Variants in MMEL1 observed in about 807,000 individuals in gnomAD.
MMEL1 encodes membrane metalloendopeptidase like 1.
Under a neutral mutation model 117.1 loss-of-function variants are expected in MMEL1, and 98 were observed. That is an observed-to-expected ratio of 0.84 (90% CI 0.71 to 0.99). The LOEUF is 0.99. MMEL1 is among the 50% of genes least tolerant of loss of function. The pLI, the probability that MMEL1 is intolerant of heterozygous loss-of-function variation, is 0.00. For synonymous variants in MMEL1, 390 were observed against 415.1 expected (o/e 0.94, Z 0.74); for missense variants, 1,014 against 1,049.1 (o/e 0.97, Z 0.46).
At chr1:2,625,037 A>G (rs956335319) in intron 2 of MMEL1, among the ~76,000 whole-genome samples, 6 of 152,174 alleles carry the variant, frequency 3.9e-5, no homozygotes, top group Non-Finnish European at 8.8e-5. Context: ...CACTCCCATG[A>G]TCCAATCACA....
chr1:2,631,824 G>A (rs1638601756), intron 1 of MMEL1, among the ~76,000 whole-genome samples: 1 of 152,088 alleles, frequency 6.6e-6, no homozygotes, highest in Non-Finnish European at 1.5e-5. Context: ...CATCTCAGTC[G>A]GACCCTTTCT....
chr1:2,604,395 C>T, intron 9 of MMEL1, 114 bp from the exon 10 acceptor site: 3 of 1,421,682 alleles, frequency 2.1e-6, no homozygotes, highest in Non-Finnish European at 1.9e-6. Flanking sequence ...AATGCGTGTC[C>T]ACCCACCTTG....
chr1:2,621,580 T>TG (rs1280045183), intron 2 of MMEL1, among the ~76,000 whole-genome samples: 1 of 151,870 alleles, frequency 6.6e-6, no homozygotes, highest in East Asian at 1.9e-4. Context: ...ACATTTTTTT[T>TG]TTTTTGTTTT....
intron 2 of MMEL1, among the ~76,000 whole-genome samples, chr1:2,622,661 G>T (rs1217038209): frequency 6.6e-6 from 1 of 152,102 alleles, no homozygotes; most frequent in Non-Finnish European, 1.5e-5. Flanking sequence ...AAGGCTGGTG[G>T]ATCACCTGAG....
chr1:2,628,514 G>A (rs1638377852), intron 2 of MMEL1, among the ~76,000 whole-genome samples: 1 of 152,186 alleles, frequency 6.6e-6, no homozygotes, highest in Non-Finnish European at 1.5e-5. Context: ...CTACGCACCT[G>A]CCCCGGGGGT....
intron 11 of MMEL1, among the ~76,000 whole-genome samples, chr1:2,602,499 C>T (rs1644948695): frequency 1.3e-5 from 2 of 152,206 alleles, no homozygotes; most frequent in African/African-American, 4.8e-5. Context: ...ACCCCAAAGC[C>T]ACCTCCACCA....
intron 12 of MMEL1, 138 bp from the exon 13 acceptor site, chr1:2,598,438 C>T: frequency 8.6e-7 from 1 of 1,159,808 alleles, no homozygotes; most frequent in Non-Finnish European, 1.2e-6. Flanking sequence ...AGGACAACCA[C>T]CTCCAAGATC....
chr1:2,624,051 T>C (rs1201555853), intron 2 of MMEL1, among the ~76,000 whole-genome samples: 1 of 152,100 alleles, frequency 6.6e-6, no homozygotes. Flanking sequence ...GGGGATGTGG[T>C]AGGGATGCCA....
intron 13 of MMEL1, among the ~76,000 whole-genome samples, chr1:2,597,508 C>T (rs1319817094): frequency 1.3e-5 from 2 of 152,154 alleles, no homozygotes; most frequent in Non-Finnish European, 2.9e-5. Flanking sequence ...CAACACCTCC[C>T]CTGCGTCTGT....
At chr1:2,597,286 G>A (rs929434060) in intron 13 of MMEL1, among the ~76,000 whole-genome samples, 10 of 151,888 alleles carry the variant, frequency 6.6e-5, no homozygotes, top group African/African-American at 2.2e-4. Flanking sequence ...AAAGCTCCTA[G>A]ACTCAGTGCC....
rs1645144904 is a variant in MMEL1, at chr1:2,612,385, C to T, written c.155-181G>A. ...AGATCCACAGAGTTCACTGCAGGGG[C>T]CAGCTTCAATCTGTGTCCTGCTGGG... On this transcript the variant is annotated intron_variant, in intron 2 of 23. Transcript: ENST00000378412. This position sits in a 1 kb window ranked among gnomAD's most constrained non-coding sequence, Gnocchi z 5.4. Among the ~76,000 whole-genome samples the T allele has an allele frequency of 6.6e-6, 1 of 152,128 alleles. No individual in the cohort carries two copies. Among genetic ancestry groups the T allele is most frequent in the South Asian group, 2.1e-4 (1 of 4,826 alleles).
chr1:2,615,848 CAGAG>C (rs1645192247), intron 2 of MMEL1, among the ~76,000 whole-genome samples: 1 of 152,040 alleles, frequency 6.6e-6, no homozygotes, highest in Non-Finnish European at 1.5e-5. Context: ...ACTAGAGACT[CAGAG>C]AGCAATATTT....
At chr1:2,594,312 C>A in intron 18 of MMEL1, 73 bp downstream of exon 18, 1 of 1,445,354 alleles carries the variant, frequency 6.9e-7, no homozygotes, top group Non-Finnish European at 9.5e-7. Flanking sequence ...AAGGGATGGG[C>A]AGGGGGCTGC....
Position 2,592,229 on chromosome 1 carries a change from G to GA in MMEL1, c.2068-203dup, listed in dbSNP as rs761542156. Among the ~76,000 whole-genome samples, 143 of 148,730 alleles carry GA rather than the reference G, an allele frequency of 9.6e-4. 3 individuals are homozygous for GA. The highest frequency in any genetic ancestry group is 1.5e-3 in the Non-Finnish European group (104 of 67,224). On this transcript the variant is annotated intron_variant, in intron 21 of 23. Transcript: ENST00000378412. ...CCCCTGAGCTGGGCCCTCGGGGGGG[G>GA]ATCCCTGGCCAGACAGCCCACTGCA...
At chr1:2,629,774 C>T in intron 1 of MMEL1, 1 of 359,948 alleles carries the variant, frequency 2.8e-6, no homozygotes, top group South Asian at 5.8e-5. Flanking sequence ...GCAAGCTGGA[C>T]CCAGGAGGCT....
chr1:2,598,429 G>T, intron 12 of MMEL1, 129 bp from the exon 13 acceptor site: 1 of 1,189,404 alleles, frequency 8.4e-7, no homozygotes, highest in Non-Finnish European at 1.2e-6. Context: ...AAAACCTCCA[G>T]GACAACCACC....
At chr1:2,599,251 C>T (rs1434095740) in intron 11 of MMEL1, among the ~76,000 whole-genome samples, 7 of 152,128 alleles carry the variant, frequency 4.6e-5, no homozygotes, top group African/African-American at 1.4e-4. Context: ...CCAAGAATAA[C>T]CTTGATACCA....
intron 2 of MMEL1, among the ~76,000 whole-genome samples, chr1:2,626,349 G>C (rs1198447135): frequency 3.9e-5 from 6 of 152,228 alleles, no homozygotes; most frequent in South Asian, 2.1e-4. Flanking sequence ...ACGATAAAGA[G>C]AGAAGGGTTC....
chr1:2,609,335 T>G lies in MMEL1; in HGVS notation c.535+4A>C. 1 of 1,609,544 alleles carries G rather than the reference T, an allele frequency of 6.2e-7. No individual in the cohort carries two copies. The highest frequency in any genetic ancestry group is 8.5e-7 in the Non-Finnish European group (1 of 1,178,428). ...TCGGCCCCTTCCTGGCGGCCCCCAC[T>G]CACTCTGGTTCATGCAGGAGCGGTA... is the stretch of plus-strand genomic sequence containing the variant. On this transcript the variant is annotated splice_donor_region_variant and intron_variant, in intron 6 of 23. Transcript: ENST00000378412.
Sources: gnomAD v4.1 joint callset for allele counts (sites outside exome capture counted in the v4.1 genomes callset) on GRCh38, gnomAD v4.1.1 for gene constraint, Gnocchi (gnomAD v3.1) non-coding constraint, MANE v1.5 for transcripts, NCBI Gene and HGNC (gene_info 2026-07-23, HGNC 2026-07-21) for gene names.